The following ANKS1B variants were observed in gnomAD, a reference collection of about 807,000 sequenced individuals.
ANKS1B encodes ankyrin repeat and sterile alpha motif domain containing 1B, also known as ankyrin repeat and sterile alpha motif domain-containing protein 1B.
ANKS1B carries 36 observed loss-of-function variants against 148.3 expected under a neutral mutation model. The ratio of observed to expected loss-of-function variants is 0.24; its 90% CI spans 0.19 to 0.32. ANKS1B has a LOEUF of 0.32. ANKS1B is among the 10% of genes least tolerant of loss of function. The pLI is 1.00. For missense variants in ANKS1B, 1,157 were observed against 1,542.6 expected, an observed-to-expected ratio of 0.75 and a Z score of 4.19; for synonymous variants, 542 against 560.8, an observed-to-expected ratio of 0.97 and a Z score of 0.47.
intron 9 of ANKS1B, among the ~76,000 whole-genome samples, chr12:99,545,984 G>A (rs896668922): frequency 1.3e-5 from 2 of 151,888 alleles, no homozygotes; most frequent in African/African-American, 2.4e-5. Context: ...CCCCAAATTA[G>A]GCCAGAAGAA....
intron 24 of ANKS1B, among the ~76,000 whole-genome samples, chr12:98,778,507 C>T (rs1026761196): frequency 1.3e-5 from 2 of 152,182 alleles, no homozygotes; most frequent in African/African-American, 2.4e-5. Context: ...CAGCACTGCC[C>T]AGTGGGGGAA....
At chr12:99,414,700 G>GA (rs749635548) in intron 11 of ANKS1B, among the ~76,000 whole-genome samples, 8 of 152,162 alleles carry the variant, frequency 5.3e-5, no homozygotes, top group African/African-American at 9.7e-5. Flanking sequence ...GGGGTTAGGG[G>GA]AAGGATAGCA....
At chr12:99,447,660 A>C (rs1476258770) in intron 10 of ANKS1B, among the ~76,000 whole-genome samples, 1 of 152,136 alleles carries the variant, frequency 6.6e-6, no homozygotes, top group East Asian at 1.9e-4. Flanking sequence ...AAGAGAGTGA[A>C]GAAACAATTT....
In ANKS1B at chr12:98,963,642, A is replaced by C. The variant is rs147444103; in HGVS notation, c.2778+89515T>G. On this transcript the variant is annotated intron_variant, in intron 17 of 26. Transcript: ENST00000683438. ...ACAAGCACAGGCAACCAAAGCAAAA[A>C]TGGACAGATGGGATCACATCAAGTT... Among the ~76,000 whole-genome samples the C allele has an allele frequency of 6.6e-5, 10 of 152,320 alleles. No homozygotes were observed. The East Asian group carries it at 1.5e-3, about 23-fold the overall frequency.
chr12:99,956,396 A>G (rs2095324985), intron 1 of ANKS1B, among the ~76,000 whole-genome samples: 1 of 152,166 alleles, frequency 6.6e-6, no homozygotes, highest in Non-Finnish European at 1.5e-5. Flanking sequence ...GCAAAGTGGT[A>G]CATCATGTAA....
chr12:99,869,116 A>G (rs1192329633), intron 1 of ANKS1B, among the ~76,000 whole-genome samples: 3 of 152,160 alleles, frequency 2.0e-5, no homozygotes, highest in African/African-American at 7.2e-5. Flanking sequence ...CATGCTGATG[A>G]AAGAGAAAAT....
chr12:99,598,112 T>G (rs188732848), intron 9 of ANKS1B, among the ~76,000 whole-genome samples: 1 of 152,014 alleles, frequency 6.6e-6, no homozygotes. Flanking sequence ...AGTCTGGAGA[T>G]GAGAGCTAAT....
intron 15 of ANKS1B, among the ~76,000 whole-genome samples, chr12:99,108,104 T>C: frequency 6.6e-6 from 1 of 152,226 alleles, no homozygotes; most frequent in South Asian, 2.1e-4. Context: ...ATAGCTACAT[T>C]ACTGCAAGAG....
chr12:99,913,201 A>G (rs1267213208), intron 1 of ANKS1B, among the ~76,000 whole-genome samples: 2 of 152,226 alleles, frequency 1.3e-5, no homozygotes, highest in Non-Finnish European at 2.9e-5. Flanking sequence ...CCACCATGAA[A>G]TTACTAATTG....
At chr12:98,996,435 T>C (rs1448005805) in intron 17 of ANKS1B, among the ~76,000 whole-genome samples, 1 of 152,232 alleles carries the variant, frequency 6.6e-6, no homozygotes, top group Middle Eastern at 3.4e-3. Flanking sequence ...TTCACCCCAC[T>C]GAAAAGAGTC....
chr12:99,784,790 G>A (rs777711646), intron 4 of ANKS1B, among the ~76,000 whole-genome samples: 11 of 152,108 alleles, frequency 7.2e-5, no homozygotes, highest in African/African-American at 2.7e-4. Flanking sequence ...ACGATATCTC[G>A]AATCTTAGCT....
At chr12:98,789,975 G>A (rs2098833166) in intron 22 of ANKS1B, among the ~76,000 whole-genome samples, 1 of 152,106 alleles carries the variant, frequency 6.6e-6, no homozygotes, top group South Asian at 2.1e-4. Context: ...GATGTTAACA[G>A]GGAGGAATTT....
At chr12:99,561,944 T>C (rs1419752553) in intron 9 of ANKS1B, among the ~76,000 whole-genome samples, 2 of 152,242 alleles carry the variant, frequency 1.3e-5, no homozygotes, top group African/African-American at 2.4e-5. Flanking sequence ...TCATTATCTA[T>C]GGCAGCTATA....
In ANKS1B at chr12:98,953,537, G is replaced by GTTTTTTTTT. The variant is rs1166158783; in HGVS notation, c.2778+99611_2778+99619dup. ...CATGTCCATTTGAGAATCTAGAGTG[G>GTTTTTTTTT]TTTTTTTTTTTTTTTTTTTTTTTTT... is the stretch of plus-strand genomic sequence containing the variant. On this transcript the variant is annotated intron_variant, in intron 17 of 26. Coordinates refer to ENST00000683438, the MANE Select transcript of ANKS1B (RefSeq NM_001352186.2). 1.3e-3 allele frequency among the ~76,000 whole-genome samples: 72 copies of GTTTTTTTTT among 57,458 alleles called. 9 individuals are homozygous for GTTTTTTTTT. The highest frequency in any genetic ancestry group is 4.4e-3 in the African/African-American group (60 of 13,572). 37.7% of individuals were successfully genotyped at this position (57,458 alleles called of 152,430 possible).
chr12:98,795,144 T>C (rs1242560226), intron 22 of ANKS1B, among the ~76,000 whole-genome samples: 6 of 152,250 alleles, frequency 3.9e-5, no homozygotes, highest in Admixed American at 2.0e-4. Flanking sequence ...TAATAACTAA[T>C]GGCAAAAATT....
intron 8 of ANKS1B, among the ~76,000 whole-genome samples, chr12:99,755,995 C>G (rs756828895): frequency 6.6e-6 from 1 of 151,902 alleles, no homozygotes; most frequent in Non-Finnish European, 1.5e-5. Flanking sequence ...TCATACTGAA[C>G]GAGCAAAAGC....
intron 1 of ANKS1B, among the ~76,000 whole-genome samples, chr12:99,977,190 C>T (rs1215237159): frequency 6.6e-6 from 1 of 152,152 alleles, no homozygotes; most frequent in African/African-American, 2.4e-5. Context: ...GTCACCTAGG[C>T]TGGAGTTCAG....
intron 17 of ANKS1B, among the ~76,000 whole-genome samples, chr12:98,884,655 C>T (rs1030848455): frequency 3.3e-5 from 5 of 151,398 alleles, no homozygotes; most frequent in Admixed American, 6.6e-5. Flanking sequence ...AAAAATTAGC[C>T]GGGCGCGGTG....
chr12:99,910,149 G>A (rs2093948734), intron 1 of ANKS1B, among the ~76,000 whole-genome samples: 1 of 152,108 alleles, frequency 6.6e-6, no homozygotes, highest in Non-Finnish European at 1.5e-5. Flanking sequence ...GAGGTCAGGA[G>A]TTCAAGAACA....
Sources: gnomAD v4.1 joint callset for allele counts (sites outside exome capture counted in the v4.1 genomes callset) on GRCh38, gnomAD v4.1.1 for gene constraint, MANE v1.5 for transcripts, NCBI Gene and HGNC (gene_info 2026-07-23, HGNC 2026-07-21) for gene names.